The following ME1 variants were observed in gnomAD, a reference collection of about 807,000 sequenced individuals.
ME1 encodes malic enzyme 1.
Under a neutral mutation model 66.4 loss-of-function variants are expected in ME1, and 74 were observed. That is an observed-to-expected ratio of 1.11 (90% CI 0.92 to 1.35). The LOEUF (loss-of-function observed/expected upper bound fraction) is 1.35. Among genes scored for constraint, ME1 ranks in the 40% most tolerant of loss-of-function variants. The pLI is 0.00. For synonymous variants in ME1, 251 were observed against 235.6 expected, an observed-to-expected ratio of 1.07 and a Z score of -0.60; for missense variants, 750 against 694.1, an observed-to-expected ratio of 1.08 and a Z score of -0.90.
intron 7 of ME1, among the ~76,000 whole-genome samples, chr6:83,244,274 C>T: frequency 6.6e-6 from 1 of 152,050 alleles, no homozygotes; most frequent in East Asian, 1.9e-4. Flanking sequence ...ACAGTAAAGA[C>T]TCAGAATACT....
chr6:83,414,096 G>A (rs1473479770), intron 1 of ME1, among the ~76,000 whole-genome samples: 4 of 131,916 alleles, frequency 3.0e-5, no homozygotes, highest in African/African-American at 1.2e-4. Context: ...GGGTGACAGA[G>A]CAAGACCCCA....
chr6:83,277,201 A>G (rs775091021), intron 6 of ME1, among the ~76,000 whole-genome samples: 1 of 152,230 alleles, frequency 6.6e-6, no homozygotes, highest in Non-Finnish European at 1.5e-5. Context: ...GTACTTACAT[A>G]TCCATTATAT....
intron 5 of ME1, among the ~76,000 whole-genome samples, chr6:83,326,141 G>A (rs371821529): frequency 8.4e-4 from 128 of 152,136 alleles, no homozygotes; most frequent in African/African-American, 3.0e-3. Flanking sequence ...ACAAAAACAA[G>A]CAACGGGGAA....
intron 6 of ME1, among the ~76,000 whole-genome samples, chr6:83,298,408 CTGTG>C (rs1767642180): frequency 6.6e-6 from 1 of 151,476 alleles, no homozygotes; most frequent in Admixed American, 6.6e-5. Flanking sequence ...TTTGATGGGG[CTGTG>C]TGTTTTTTTT....
intron 6 of ME1, among the ~76,000 whole-genome samples, chr6:83,307,451 C>T (rs1309310348): frequency 1.3e-5 from 2 of 151,916 alleles, no homozygotes; most frequent in African/African-American, 2.4e-5. Context: ...GTTATTTCAC[C>T]CTGGGTCCAC....
At chr6:83,328,873 C>A (rs944989034) in intron 5 of ME1, among the ~76,000 whole-genome samples, 1 of 151,172 alleles carries the variant, frequency 6.6e-6, no homozygotes, top group African/African-American at 2.4e-5. Flanking sequence ...AAGACTGGGG[C>A]AAAAGTAAGG....
chr6:83,312,614 T>C (rs1489834474), intron 6 of ME1, among the ~76,000 whole-genome samples: 2 of 152,116 alleles, frequency 1.3e-5, no homozygotes, highest in African/African-American at 4.8e-5. Flanking sequence ...GGGCAGAAAT[T>C]AGTGTCCATG....
chr6:83,319,795 G>A (rs1383648183), intron 5 of ME1, among the ~76,000 whole-genome samples: 1 of 152,152 alleles, frequency 6.6e-6, no homozygotes, highest in Non-Finnish European at 1.5e-5. Context: ...GGCAACATGT[G>A]CCCAGTTAGA....
intron 6 of ME1, among the ~76,000 whole-genome samples, chr6:83,275,789 T>G (rs1255213959): frequency 2.1e-5 from 2 of 96,934 alleles, no homozygotes; most frequent in Non-Finnish European, 4.2e-5. Flanking sequence ...TTTTTTTTTT[T>G]TGTGATGGAG....
chr6:83,292,175 T>C (rs1767515759), intron 6 of ME1, among the ~76,000 whole-genome samples: 1 of 152,126 alleles, frequency 6.6e-6, no homozygotes, highest in African/African-American at 2.4e-5. Context: ...TGGAGAGAAG[T>C]TGTGTTCCTT....
intron 7 of ME1, among the ~76,000 whole-genome samples, chr6:83,239,972 T>A (rs1340033431): frequency 1.3e-5 from 2 of 152,108 alleles, no homozygotes; most frequent in African/African-American, 4.8e-5. Flanking sequence ...GAGAAATTAT[T>A]GTGTACATCA....
intron 5 of ME1, among the ~76,000 whole-genome samples, chr6:83,345,140 T>C (rs963197939): frequency 1.3e-5 from 2 of 152,122 alleles, no homozygotes; most frequent in African/African-American, 4.8e-5. Flanking sequence ...GCTAGGACTG[T>C]AGGTACACAC....
intron 2 of ME1, among the ~76,000 whole-genome samples, chr6:83,402,857 C>T (rs1769863169): frequency 6.6e-6 from 1 of 152,122 alleles, no homozygotes; most frequent in Non-Finnish European, 1.5e-5. Context: ...GTTATAAACA[C>T]CAGCTATGAC....
intron 5 of ME1, among the ~76,000 whole-genome samples, chr6:83,341,431 A>G (rs1768583434): frequency 6.6e-6 from 1 of 152,132 alleles, no homozygotes; most frequent in African/African-American, 2.4e-5. Flanking sequence ...AAGCTCTTCA[A>G]CTTGCAGTTG....
intron 1 of ME1, among the ~76,000 whole-genome samples, chr6:83,428,338 C>T (rs1770411739): frequency 1.3e-5 from 2 of 152,040 alleles, no homozygotes; most frequent in South Asian, 4.2e-4. Flanking sequence ...ACTATAAATG[C>T]TTGGATAATA....
At chr6:83,370,845 C>T (rs960092073) in intron 3 of ME1, among the ~76,000 whole-genome samples, 6 of 151,940 alleles carry the variant, frequency 3.9e-5, no homozygotes, top group African/African-American at 1.4e-4. Context: ...GATCCAAGAG[C>T]GGAAATAGGA....
At chr6:83,420,656 C>A (rs1770246149) in intron 1 of ME1, among the ~76,000 whole-genome samples, 1 of 152,144 alleles carries the variant, frequency 6.6e-6, no homozygotes, top group Non-Finnish European at 1.5e-5. Context: ...TGCATTTATC[C>A]CACAAGGTAG....
intron 5 of ME1, among the ~76,000 whole-genome samples, chr6:83,331,964 C>A (rs944111333): frequency 6.6e-6 from 1 of 152,004 alleles, no homozygotes; most frequent in African/African-American, 2.4e-5. Flanking sequence ...GAAAAACAGA[C>A]ATATAATCAA....
chr6:83,225,261 T>C (rs1790173599), intron 11 of ME1, among the ~76,000 whole-genome samples: 3 of 148,704 alleles, frequency 2.0e-5, no homozygotes, highest in Non-Finnish European at 3.0e-5. Context: ...AGGTGCTGCA[T>C]TTCATATTGC....
Sources: allele counts gnomAD v4.1 joint callset (sites outside exome capture counted in the v4.1 genomes callset), GRCh38; gene constraint gnomAD v4.1.1; transcripts MANE v1.5; gene names NCBI Gene and HGNC (gene_info 2026-07-23, HGNC 2026-07-21).